The following OSTN variants were observed in gnomAD, a reference collection of about 807,000 sequenced individuals.
OSTN encodes osteocrin.
OSTN carries 9 observed loss-of-function variants against 12.0 expected under a neutral mutation model. The observed-to-expected ratio is 0.75, with a 90% CI of 0.45 to 1.30. The LOEUF (loss-of-function observed/expected upper bound fraction) is 1.30, where lower values mean the gene tolerates loss of function less well. Ranked by LOEUF, OSTN falls within the 50% of genes most tolerant of loss-of-function variation. The pLI, the probability that OSTN is intolerant of heterozygous loss-of-function variation, is 0.00. For synonymous variants in OSTN, 59 were observed against 56.9 expected (o/e 1.04, Z -0.16); for missense variants, 148 against 152.3 (o/e 0.97, Z 0.15).
intron 3 of OSTN, among the ~76,000 whole-genome samples, chr3:191,245,896 T>C (rs2108549535): frequency 6.6e-6 from 1 of 151,318 alleles, no homozygotes; most frequent in Non-Finnish European, 1.5e-5. Context: ...TGAAACCCTG[T>C]CTCTACTAAA....
intron 3 of OSTN, 42 bp from the exon 4 acceptor site, chr3:191,249,995 C>A (rs1464723937): frequency 7.1e-7 from 1 of 1,407,176 alleles, no homozygotes; most frequent in Non-Finnish European, 1.0e-6. Context: ...TGATCAATAA[C>A]TTGCCCTTTA....
chr3:191,210,138 G>A (rs985290010), intron 1 of OSTN, among the ~76,000 whole-genome samples: 1 of 152,180 alleles, frequency 6.6e-6, no homozygotes, highest in African/African-American at 2.4e-5. Context: ...TCTTCACATG[G>A]CCAGAGCAGG....
chr3:191,213,437 T>A (rs1714517958), intron 2 of OSTN: 1 of 152,112 alleles, frequency 6.6e-6, no homozygotes, highest in African/African-American at 2.4e-5. Flanking sequence ...GAACAAAGAC[T>A]TGAATTCCTT....
At chr3:191,199,525 T>G (rs1714106843) in intron 1 of OSTN, among the ~76,000 whole-genome samples, 1 of 152,026 alleles carries the variant, frequency 6.6e-6, no homozygotes, top group Non-Finnish European at 1.5e-5. Context: ...ATTTATAAGA[T>G]TGCTTTTCTC....
At chr3:191,206,900 G>A (rs1263126107) in intron 1 of OSTN, among the ~76,000 whole-genome samples, 1 of 152,132 alleles carries the variant, frequency 6.6e-6, no homozygotes, top group South Asian at 2.1e-4. Context: ...GTGGGTAAAG[G>A]GTAACCTGAA....
Position 191,260,901 on chromosome 3 carries a change from T to C in OSTN, c.*13-1965T>C, listed in dbSNP as rs1215958353. ...ACAATATGAATATTCATACACAAAG[T>C]ACCAAAAAGTACACCAGAGATACTA... On this transcript the variant is annotated intron_variant, in intron 4 of 4. Transcript: ENST00000682035. Among the ~76,000 whole-genome samples the C allele has an allele frequency of 2.0e-5, 3 of 152,222 alleles. No individual in the cohort carries two copies. The South Asian group carries it at 6.2e-4, about 32-fold the overall frequency.
intron 1 of OSTN, among the ~76,000 whole-genome samples, chr3:191,211,435 G>A (rs1341904240): frequency 6.6e-6 from 1 of 151,934 alleles, no homozygotes; most frequent in Non-Finnish European, 1.5e-5. Flanking sequence ...TCCAATTTTT[G>A]GCTACTATAT....
At chr3:191,207,521 C>T (rs1036290337) in intron 1 of OSTN, among the ~76,000 whole-genome samples, 2 of 152,162 alleles carry the variant, frequency 1.3e-5, no homozygotes, top group African/African-American at 4.8e-5. Context: ...AACATTTATA[C>T]ATCTCATAGA....
At chr3:191,220,776 A>G (rs565841888) in intron 3 of OSTN, among the ~76,000 whole-genome samples, 8 of 152,218 alleles carry the variant, frequency 5.3e-5, no homozygotes, top group African/African-American at 7.2e-5. Flanking sequence ...ATATTTCAAC[A>G]TGGTCAACTA....
chr3:191,247,510 A>G (rs1042891437), intron 3 of OSTN, among the ~76,000 whole-genome samples: 2 of 152,222 alleles, frequency 1.3e-5, no homozygotes, highest in Admixed American at 6.5e-5. Flanking sequence ...GATCACACAT[A>G]TAGTCGATAC....
In OSTN at chr3:191,212,606, T is replaced by C; in HGVS notation, c.74T>C (p.Val25Ala). 2 of 1,584,486 alleles carry C rather than the reference T, an allele frequency of 1.3e-6. No homozygotes were observed. The highest frequency in any genetic ancestry group is 2.3e-5 in the South Asian group (2 of 86,402). The change falls in exon 2 of 5, where the codon GTC becomes GCC. Residue 25 changes from valine (V) to alanine (A), a missense_variant. Transcript: ENST00000682035. ...CTGACACTGTGGAGCTCAGGAAAAG[T>C]CCTCTCAGTAGATGTAACAACAACA... is the stretch of plus-strand genomic sequence containing the variant. ...VTLTLWSSGK[V>A]LSVDVTTTEA...
At chr3:191,227,291 A>G (rs1576929681) in intron 3 of OSTN, among the ~76,000 whole-genome samples, 1 of 150,400 alleles carries the variant, frequency 6.6e-6, no homozygotes, top group Admixed American at 6.6e-5. Flanking sequence ...CTGATATACA[A>G]TTCCTCACCT....
chr3:191,229,323 T>C (rs1436590375), intron 3 of OSTN, among the ~76,000 whole-genome samples: 2 of 152,196 alleles, frequency 1.3e-5, no homozygotes, highest in African/African-American at 2.4e-5. Context: ...ATTGTGAATG[T>C]GAAGAGTAAC....
chr3:191,215,315 C>A lies in OSTN; in HGVS notation c.102+2681C>A, dbSNP rs1258870195. ...TGACATGTGGGGATTATGGGGATTACAATTCAAGATGAGATTTTTGGTAGG... is the reference window on the plus strand; with the variant it reads ...TGACATGTGGGGATTATGGGGATTAAAATTCAAGATGAGATTTTTGGTAGG... On this transcript the variant is annotated intron_variant, in intron 2 of 4. Transcript: ENST00000682035. Among the ~76,000 whole-genome samples the A allele has an allele frequency of 5.9e-5, 9 of 152,146 alleles. No homozygotes were observed. The South Asian group carries it at 1.2e-3, about 21-fold the overall frequency.
At chr3:191,199,360 T>A (rs1461315230) in intron 1 of OSTN, 53 bp downstream of exon 1, 1 of 152,134 alleles carries the variant, frequency 6.6e-6, no homozygotes, top group African/African-American at 2.4e-5. Flanking sequence ...TAACTATTAT[T>A]TTTACTTTCA....
intron 2 of OSTN, among the ~76,000 whole-genome samples, chr3:191,213,130 A>T (rs189268108): frequency 6.6e-6 from 1 of 151,962 alleles, no homozygotes; most frequent in African/African-American, 2.4e-5. Flanking sequence ...CAACCTTCCA[A>T]AGTGCTGGGA....
chr3:191,236,166 G>A (rs993634091), intron 3 of OSTN, among the ~76,000 whole-genome samples: 8 of 152,144 alleles, frequency 5.3e-5, no homozygotes, highest in African/African-American at 1.9e-4. Context: ...CCTCACTTTG[G>A]AATGCAAAAC....
intron 3 of OSTN, among the ~76,000 whole-genome samples, chr3:191,219,312 G>C (rs891243117): frequency 6.6e-6 from 1 of 152,188 alleles, no homozygotes; most frequent in African/African-American, 2.4e-5. Context: ...CCATTTACTA[G>C]AGGTAACAGG....
chr3:191,235,716 C>G (rs1715172216), intron 3 of OSTN, among the ~76,000 whole-genome samples: 1 of 152,196 alleles, frequency 6.6e-6, no homozygotes. Flanking sequence ...TTTGCTTCCC[C>G]CATCAGCCCT....
Sources: allele counts gnomAD v4.1 joint callset (sites outside exome capture counted in the v4.1 genomes callset), GRCh38; gene constraint gnomAD v4.1.1; transcripts MANE v1.5; gene names NCBI Gene and HGNC (gene_info 2026-07-23, HGNC 2026-07-21).